The following IL6R variants were observed in gnomAD, a reference collection of about 807,000 sequenced individuals.
The protein encoded by IL6R is interleukin 6 receptor.
IL6R carries 38 observed loss-of-function variants against 48.3 expected under a neutral mutation model. That is an observed-to-expected ratio of 0.79 (90% confidence interval 0.61 to 1.03). IL6R has a LOEUF of 1.03. Among genes scored for constraint, IL6R ranks in the 50% least tolerant of loss-of-function variants. The probability of loss-of-function intolerance (pLI) is 0.00; values close to 1 mark genes in which losing one functional copy is unlikely to be tolerated. For missense variants in IL6R, 534 were observed against 618.3 expected (o/e 0.86, Z 1.45); for synonymous variants, 264 against 256.2 (o/e 1.03, Z -0.29).
At chr1:154,461,166 A>G (rs562034082) in intron 9 of IL6R, among the ~76,000 whole-genome samples, 1 of 152,330 alleles carries the variant, frequency 6.6e-6, no homozygotes, top group East Asian at 1.9e-4. Flanking sequence ...TAAGACTTTC[A>G]CTATTTCTTC....
chr1:154,461,228 A>G (rs2149276227), intron 9 of IL6R, among the ~76,000 whole-genome samples: 1 of 152,350 alleles, frequency 6.6e-6, no homozygotes, highest in East Asian at 1.9e-4. Context: ...CGGGAGGAGC[A>G]TGAAAGTGGA....
chr1:154,415,680 A>G (rs1475507722), intron 1 of IL6R, among the ~76,000 whole-genome samples: 10 of 152,248 alleles, frequency 6.6e-5, no homozygotes, highest in Admixed American at 6.5e-4. Context: ...GTAAAAACAC[A>G]TAATATAAAA....
At chr1:154,428,687 C>T (rs763975947) in intron 1 of IL6R, among the ~76,000 whole-genome samples, 2 of 152,060 alleles carry the variant, frequency 1.3e-5, no homozygotes, top group Non-Finnish European at 2.9e-5. Flanking sequence ...TACATGGCAG[C>T]GTGTGGGTGA....
chr1:154,444,768 C>T lies in IL6R; in HGVS notation c.950-3357C>T, dbSNP rs146452276. On this transcript the variant is annotated intron_variant, in intron 6 of 9. Transcript: ENST00000368485. ...TTAAAAAAAAATTAGTTGGGCATAG[C>T]AGTGCACACCTGTAGTCCTAGCTAA... 8.9e-3 allele frequency among the ~76,000 whole-genome samples: 1,360 copies of T among 152,178 alleles called. 25 individuals are homozygous for T. Among genetic ancestry groups the T allele is most frequent in the African/African-American group, 0.031 (1,284 of 41,524 alleles).
intron 3 of IL6R, 127 bp downstream of exon 3, chr1:154,430,733 G>A (rs1689250887): frequency 4.9e-6 from 6 of 1,233,222 alleles, no homozygotes; most frequent in Non-Finnish European, 6.9e-6. Context: ...CTGAGGAAGA[G>A]GAGATGAGAG....
At chr1:154,411,383 T>C (rs1288202363) in intron 1 of IL6R, among the ~76,000 whole-genome samples, 1 of 152,120 alleles carries the variant, frequency 6.6e-6, no homozygotes, top group Non-Finnish European at 1.5e-5. Context: ...CAAGAGAAGA[T>C]GCTGATAAGG....
chr1:154,452,502 C>T (rs780465886), intron 8 of IL6R, among the ~76,000 whole-genome samples: 1 of 152,150 alleles, frequency 6.6e-6, no homozygotes, highest in East Asian at 1.9e-4. Flanking sequence ...TCAGATGCAC[C>T]CTTCTCCGGG....
chr1:154,433,096 C>T (rs141257313), intron 3 of IL6R, among the ~76,000 whole-genome samples: 29 of 152,342 alleles, frequency 1.9e-4, no homozygotes, highest in African/African-American at 2.6e-4. Flanking sequence ...TGGGCACACA[C>T]GTAAAGCAGT....
intron 9 of IL6R, among the ~76,000 whole-genome samples, chr1:154,462,336 A>G (rs1047828819): frequency 2.0e-5 from 3 of 149,674 alleles, no homozygotes; most frequent in East Asian, 2.0e-4. Flanking sequence ...TAACACAGGC[A>G]TTCTTTCACA....
chr1:154,435,104 G>C lies in IL6R; in HGVS notation c.755G>C (p.Arg252Pro). ...TGGAACTCATCTTTCTACAGACTACGGTTTGAGCTCAGATATCGGGCTGAA... is the reference window on the plus strand; with the variant it reads ...TGGAACTCATCTTTCTACAGACTACCGTTTGAGCTCAGATATCGGGCTGAA... ...HSWNSSFYRL[R>P]FELRYRAERS... The change falls in exon 5 of 10, where the codon CGG becomes CCG. Residue 252 changes from arginine to proline, a missense_variant. Physicochemically the swap from Arg to Pro is moderately radical, Grantham distance 103. Coordinates refer to ENST00000368485, the MANE Select transcript of IL6R (RefSeq NM_000565.4). 6.2e-7 allele frequency: 1 copy of C among 1,614,130 alleles called. No individual in the cohort carries two copies. Among genetic ancestry groups the C allele is most frequent in the African/African-American group, 1.3e-5 (1 of 75,030 alleles).
In IL6R at chr1:154,447,686, T is replaced by TTTTGTTTTGTTTTG. The variant is rs1558323953; in HGVS notation, c.950-436_950-435insGTTTTGTTTTGTTT. Among the ~76,000 whole-genome samples, 416 of 148,428 alleles carry TTTTGTTTTGTTTTG rather than the reference T, an allele frequency of 2.8e-3. 1 individual carries two copies. Among genetic ancestry groups the TTTTGTTTTGTTTTG allele is most frequent in the African/African-American group, 5.0e-3 (200 of 40,200 alleles). ...TATTTGGTTATTTCCAGCATGCTGT[T>TTTTGTTTTGTTTTG]TTTTGTTTTGTTTTGTTTTGTTTTG... On this transcript the variant is annotated intron_variant, in intron 6 of 9. Coordinates refer to ENST00000368485, the MANE Select transcript of IL6R (RefSeq NM_000565.4).
At chr1:154,414,374 A>G in intron 1 of IL6R, 2 of 1,408,746 alleles carry the variant, frequency 1.4e-6, no homozygotes, top group East Asian at 2.4e-5. Context: ...TCAGAAGATC[A>G]TCTCCAGCTG....
At chr1:154,456,319 C>T (rs1276935536) in intron 9 of IL6R, among the ~76,000 whole-genome samples, 1 of 151,182 alleles carries the variant, frequency 6.6e-6, no homozygotes, top group Non-Finnish European at 1.5e-5. Flanking sequence ...GATTCTTGTG[C>T]CTCAGCCTCC....
At chr1:154,429,478 C>T (rs775496278) in intron 2 of IL6R, 34 bp downstream of exon 2, 1 of 1,586,480 alleles carries the variant, frequency 6.3e-7, no homozygotes, top group South Asian at 1.1e-5. Context: ...GGAGATAGTT[C>T]CCGTAAGAAA....
intron 9 of IL6R, among the ~76,000 whole-genome samples, chr1:154,460,641 A>G (rs956664404): frequency 6.6e-6 from 1 of 152,214 alleles, no homozygotes; most frequent in African/African-American, 2.4e-5. Flanking sequence ...ACATACAGAA[A>G]AGTTCCCACA....
At chr1:154,411,712 A>G (rs1470445977) in intron 1 of IL6R, among the ~76,000 whole-genome samples, 3 of 152,044 alleles carry the variant, frequency 2.0e-5, no homozygotes, top group Non-Finnish European at 4.4e-5. Flanking sequence ...AGTATAAAAT[A>G]CTTTTTGAGG....
At chr1:154,434,928 T>C (rs1356674326) in intron 4 of IL6R, 62 bp from the exon 5 acceptor site, 5 of 1,562,816 alleles carry the variant, frequency 3.2e-6, no homozygotes, top group African/African-American at 2.7e-5. Context: ...GATCTCAGCC[T>C]ACATGGGCTT....
chr1:154,452,350 C>T lies in IL6R; in HGVS notation c.1067-2138C>T, dbSNP rs149135695. Among the ~76,000 whole-genome samples, 643 of 152,250 alleles carry T rather than the reference C, an allele frequency of 4.2e-3. 5 individuals are homozygous for T. The highest frequency in any genetic ancestry group is 6.6e-3 in the Non-Finnish European group (446 of 68,020). ...GTTGCCTCTCCATTCTCCCTTTCCT[C>T]GCTCTGCCCCAGCCACACTGCCCTC... On this transcript the variant is annotated intron_variant, in intron 8 of 9. Transcript: ENST00000368485.
intron 8 of IL6R, among the ~76,000 whole-genome samples, chr1:154,453,641 A>G (rs755715890): frequency 4.6e-5 from 7 of 152,186 alleles, no homozygotes; most frequent in Non-Finnish European, 7.4e-5. Context: ...TGGCGATCCT[A>G]CTTTGTATTC....
Sources: allele counts gnomAD v4.1 joint callset (sites outside exome capture counted in the v4.1 genomes callset), GRCh38; gene constraint gnomAD v4.1.1; transcripts MANE v1.5; gene names NCBI Gene and HGNC (gene_info 2026-07-23, HGNC 2026-07-21).